KCNAB1: variants seen among roughly 807,000 people sequenced by gnomAD.
The protein encoded by KCNAB1 is potassium voltage-gated channel subfamily A regulatory beta subunit 1.
Under a neutral mutation model 64.6 loss-of-function variants are expected in KCNAB1, and 35 were observed. The ratio of observed to expected loss-of-function variants is 0.54; its 90% CI spans 0.41 to 0.72. KCNAB1 has a LOEUF of 0.72. Ranked by LOEUF, KCNAB1 falls within the 30% of genes least tolerant of loss-of-function variation. The pLI, the probability that KCNAB1 is intolerant of heterozygous loss-of-function variation, is 0.00. For synonymous variants in KCNAB1, 177 were observed against 183.8 expected, an observed-to-expected ratio of 0.96 and a Z score of 0.30; for missense variants, 401 against 512.9, an observed-to-expected ratio of 0.78 and a Z score of 2.11.
intron 2 of KCNAB1, chr3:156,446,895 G>C (rs1048588616): frequency 1.3e-5 from 2 of 152,204 alleles, no homozygotes; most frequent in African/African-American, 4.8e-5. Context: ...GTCAGATTGT[G>C]TCACTTCTGT....
chr3:156,415,480 C>T (rs1361329044), intron 1 of KCNAB1, among the ~76,000 whole-genome samples: 1 of 151,998 alleles, frequency 6.6e-6, no homozygotes, highest in Non-Finnish European at 1.5e-5. Flanking sequence ...GCCCGGCTTC[C>T]CATCCGTGAC....
At chr3:156,432,863 C>T (rs925353395) in intron 2 of KCNAB1, among the ~76,000 whole-genome samples, 1 of 152,128 alleles carries the variant, frequency 6.6e-6, no homozygotes, top group Non-Finnish European at 1.5e-5. Flanking sequence ...TGTCTGACTT[C>T]GTTACCTAAC....
chr3:156,303,015 C>CAA (rs961027704), intron 1 of KCNAB1, among the ~76,000 whole-genome samples: 1 of 152,200 alleles, frequency 6.6e-6, no homozygotes, highest in African/African-American at 2.4e-5. Context: ...CCATAAAACT[C>CAA]ACGCTGTCCC....
At chr3:156,326,355 G>A (rs1326378173) in intron 1 of KCNAB1, among the ~76,000 whole-genome samples, 1 of 152,072 alleles carries the variant, frequency 6.6e-6, no homozygotes, top group African/African-American at 2.4e-5. Flanking sequence ...CATTATCTCT[G>A]TCTAGGCAGA....
chr3:156,226,709 G>C (rs975495908), intron 1 of KCNAB1, among the ~76,000 whole-genome samples: 28 of 56,392 alleles, frequency 5.0e-4, no homozygotes, highest in Non-Finnish European at 7.9e-4. Flanking sequence ...TCAAGAAAAA[G>C]AAAAAAGAAA....
At chr3:156,522,611 C>T (rs1335477431) in intron 11 of KCNAB1, among the ~76,000 whole-genome samples, 2 of 152,210 alleles carry the variant, frequency 1.3e-5, no homozygotes, top group Non-Finnish European at 2.9e-5. Context: ...GGCGGCTTGC[C>T]CTTCTCCTTT....
intron 1 of KCNAB1, among the ~76,000 whole-genome samples, chr3:156,209,035 A>G (rs1177136298): frequency 2.6e-5 from 4 of 152,240 alleles, no homozygotes; most frequent in African/African-American, 9.6e-5. Flanking sequence ...ATTTAGTGTT[A>G]AAAGAGGCGT....
In KCNAB1 at chr3:156,207,938, C is replaced by T. The variant is rs139467009; in HGVS notation, c.275+87052C>T. On this transcript the variant is annotated intron_variant, in intron 1 of 13. Coordinates refer to ENST00000490337, the MANE Select transcript of KCNAB1 (RefSeq NM_172160.3). ...AGCCACAAAGAGAAAAAGAAATCTCCAAACAACTCAGCTTCTTTTGGCCTT... is the reference window on the plus strand; with the variant it reads ...AGCCACAAAGAGAAAAAGAAATCTCTAAACAACTCAGCTTCTTTTGGCCTT... 2.8e-3 allele frequency among the ~76,000 whole-genome samples: 423 copies of T among 152,286 alleles called. 3 individuals carry two copies. The highest frequency in any genetic ancestry group is 9.4e-3 in the African/African-American group (391 of 41,574).
chr3:156,538,732 C>G (rs1028178083), downstream of KCNAB1: 2 of 152,132 alleles, frequency 1.3e-5, no homozygotes, highest in African/African-American at 4.8e-5. Flanking sequence ...ATTATATTGG[C>G]AGCTAAGCTG....
At chr3:156,444,254 A>C (rs890189747) in intron 2 of KCNAB1, among the ~76,000 whole-genome samples, 1 of 152,198 alleles carries the variant, frequency 6.6e-6, no homozygotes, top group Non-Finnish European at 1.5e-5. Context: ...GGTTGCTCAG[A>C]GCATTGTTTT....
chr3:156,486,990 A>T (rs1030994782), intron 8 of KCNAB1, among the ~76,000 whole-genome samples: 9 of 152,124 alleles, frequency 5.9e-5, no homozygotes, highest in East Asian at 5.8e-4. Context: ...CCAGTAGGAG[A>T]TTTAAAAAAA....
At position 156,171,071 on chromosome 3, in the gene KCNAB1, A is replaced by AT. The variant is rs529951257; in HGVS notation, c.275+50186dup. On this transcript the variant is annotated intron_variant, in intron 1 of 13. Coordinates refer to ENST00000490337, the MANE Select transcript of KCNAB1 (RefSeq NM_172160.3). ...GCGGTGAGTGGGCTTTTACCCAATTATGTATGTCTACCTTTGTTTGAGCTA... is the reference window on the plus strand; with the variant it reads ...GCGGTGAGTGGGCTTTTACCCAATTATTGTATGTCTACCTTTGTTTGAGCTA... Among the ~76,000 whole-genome samples, 311 of 152,186 alleles carry AT rather than the reference A, an allele frequency of 2.0e-3. 1 individual carries two copies. Among genetic ancestry groups the AT allele is most frequent in the African/African-American group, 7.1e-3 (294 of 41,536 alleles).
At chr3:156,462,584 G>A (rs929481644) in intron 5 of KCNAB1, among the ~76,000 whole-genome samples, 2 of 152,138 alleles carry the variant, frequency 1.3e-5, no homozygotes, top group African/African-American at 2.4e-5. Context: ...GTGGGATGGG[G>A]CTGCTAACAT....
chr3:156,536,842 A>G lies in KCNAB1; in HGVS notation c.*95A>G. 1 of 854,136 alleles carries G rather than the reference A, an allele frequency of 1.2e-6. No individual in the cohort carries two copies. Among genetic ancestry groups the G allele is most frequent in the Non-Finnish European group, 2.0e-6 (1 of 509,004 alleles). 52.9% of individuals were successfully genotyped at this position (854,136 alleles called of 1,614,324 possible). On this transcript the variant is annotated 3_prime_UTR_variant, in exon 14 of 14. Transcript: ENST00000490337. The stretch of plus-strand genomic sequence containing the variant: ...TAACCAGTCTTTTGAATCACTTAGC[A>G]GCTTGCTGCTCAACCTCTAGTGTCC...
At chr3:156,491,829 A>C (rs979300270) in intron 8 of KCNAB1, among the ~76,000 whole-genome samples, 18 of 152,098 alleles carry the variant, frequency 1.2e-4, no homozygotes, top group African/African-American at 4.1e-4. Flanking sequence ...TTATTCCTTG[A>C]TGAAAAAATA....
rs201395275 is a variant in KCNAB1, at chr3:156,464,480, C to CA, written c.527+741dup. On this transcript the variant is annotated intron_variant, in intron 6 of 13. Transcript: ENST00000490337. The stretch of plus-strand genomic sequence containing the variant: ...TTTTCCATCTTTGAGACAGAAATCG[C>CA]AAAAAAATAATAATAATAATAATAA... 3.4e-3 allele frequency among the ~76,000 whole-genome samples: 498 copies of CA among 148,534 alleles called. 6 individuals carry two copies. Among genetic ancestry groups the CA allele is most frequent in the African/African-American group, 0.012 (489 of 40,228 alleles).
intron 1 of KCNAB1, among the ~76,000 whole-genome samples, chr3:156,314,515 C>T (rs1722145955): frequency 6.6e-6 from 1 of 152,224 alleles, no homozygotes; most frequent in Admixed American, 6.5e-5. Context: ...ATTACTGCCT[C>T]CATAAGCCTA....
intron 1 of KCNAB1, among the ~76,000 whole-genome samples, chr3:156,295,886 A>T (rs184808252): frequency 6.6e-4 from 100 of 152,298 alleles, no homozygotes; most frequent in Non-Finnish European, 9.7e-4. Flanking sequence ...TCTTCTAGCT[A>T]TTTTGAAATA....
intron 1 of KCNAB1, among the ~76,000 whole-genome samples, chr3:156,197,848 T>C (rs1314975730): frequency 6.6e-6 from 1 of 152,170 alleles, no homozygotes; most frequent in East Asian, 1.9e-4. Context: ...TTGAATTCTC[T>C]CTTGCTTTTC....
Sources: gnomAD v4.1 joint callset for allele counts (sites outside exome capture counted in the v4.1 genomes callset) on GRCh38, gnomAD v4.1.1 for gene constraint, MANE v1.5 for transcripts, NCBI Gene and HGNC (gene_info 2026-07-23, HGNC 2026-07-21) for gene names.